CCDC91: variants seen among roughly 807,000 people sequenced by gnomAD.
The protein encoded by CCDC91 is coiled-coil domain-containing protein 91.
In CCDC91, 48 loss-of-function variants were observed where a neutral mutation model predicts 63.2. The ratio of observed to expected loss-of-function variants is 0.76; its 90% CI spans 0.60 to 0.97. The LOEUF is 0.97. CCDC91 is among the 50% of genes least tolerant of loss of function. The pLI is 0.00. For synonymous variants in CCDC91, 167 were observed against 165.8 expected (o/e 1.01, Z -0.06); for missense variants, 500 against 494.6 (o/e 1.01, Z -0.10).
chr12:28,530,527 T>TAAAATA, intron 12 of CCDC91, among the ~76,000 whole-genome samples: 1 of 152,330 alleles, frequency 6.6e-6, no homozygotes, highest in South Asian at 2.1e-4. Context: ...AATTATTTTA[T>TAAAATA]ACCATTGAGT....
intron 1 of CCDC91, among the ~76,000 whole-genome samples, chr12:28,247,043 C>CTG (rs1375851527): frequency 6.6e-6 from 1 of 152,200 alleles, no homozygotes; most frequent in East Asian, 1.9e-4. Context: ...TATGAGGACA[C>CTG]TGTGGCCCAG....
At chr12:28,293,946 AAC>A (rs1450270837) in intron 3 of CCDC91, among the ~76,000 whole-genome samples, 1 of 152,102 alleles carries the variant, frequency 6.6e-6, no homozygotes, top group African/African-American at 2.4e-5. Flanking sequence ...CTGGAAAAAT[AAC>A]ACACACACGC....
At chr12:28,339,185 G>C (rs1942237342) in intron 6 of CCDC91, among the ~76,000 whole-genome samples, 2 of 152,156 alleles carry the variant, frequency 1.3e-5, no homozygotes, top group Non-Finnish European at 1.5e-5. Flanking sequence ...AGGGATTTCT[G>C]TCAGACTAAC....
intron 12 of CCDC91, among the ~76,000 whole-genome samples, chr12:28,532,571 T>C (rs1289456123): frequency 6.6e-6 from 1 of 152,068 alleles, no homozygotes; most frequent in Non-Finnish European, 1.5e-5. Context: ...GAAGGAATGA[T>C]GTAAAATTTT....
intron 8 of CCDC91, among the ~76,000 whole-genome samples, chr12:28,409,278 A>G (rs1026292767): frequency 2.0e-5 from 3 of 152,124 alleles, no homozygotes; most frequent in Non-Finnish European, 4.4e-5. Context: ...TTTTTATTCC[A>G]GGAAAAAATG....
chr12:28,493,216 G>A (rs1378887660), intron 12 of CCDC91, among the ~76,000 whole-genome samples: 2 of 151,640 alleles, frequency 1.3e-5, no homozygotes. Flanking sequence ...CCCAAAATCA[G>A]TACGAGGGTC....
chr12:28,350,283 G>A (rs1943095679), intron 6 of CCDC91, among the ~76,000 whole-genome samples: 1 of 152,100 alleles, frequency 6.6e-6, no homozygotes, highest in Non-Finnish European at 1.5e-5. Flanking sequence ...TGGTATTATT[G>A]CTATTAATTT....
At chr12:28,426,078 T>G (rs1190456143) in intron 8 of CCDC91, among the ~76,000 whole-genome samples, 1 of 152,188 alleles carries the variant, frequency 6.6e-6, no homozygotes, top group Admixed American at 6.6e-5. Flanking sequence ...TATAATGTGG[T>G]ATATCTTAAT....
chr12:28,502,533 A>G (rs1938062697), intron 12 of CCDC91, among the ~76,000 whole-genome samples: 1 of 150,292 alleles, frequency 6.7e-6, no homozygotes, highest in Non-Finnish European at 1.5e-5. Context: ...ATTCAATGCC[A>G]TCCCCATCAA....
intron 12 of CCDC91, among the ~76,000 whole-genome samples, chr12:28,538,420 T>A (rs1942361601): frequency 6.6e-6 from 1 of 152,024 alleles, no homozygotes; most frequent in Non-Finnish European, 1.5e-5. Context: ...TCCATGTCCC[T>A]ACAAAGGACA....
chr12:28,402,878 T>G (rs1394593835), intron 8 of CCDC91, among the ~76,000 whole-genome samples: 1 of 152,174 alleles, frequency 6.6e-6, no homozygotes, highest in East Asian at 1.9e-4. Context: ...TTTTGTAAAG[T>G]GCTTTGACCA....
chr12:28,474,792 G>A (rs940523114), intron 11 of CCDC91, among the ~76,000 whole-genome samples: 5 of 151,750 alleles, frequency 3.3e-5, no homozygotes, highest in African/African-American at 1.2e-4. Context: ...AAGAGCAAAT[G>A]TAAAAGAACA....
At chr12:28,307,253 ACATCAACTTTTCCCTATGGGAAGTTAGG>A (rs2098522040) in intron 5 of CCDC91, among the ~76,000 whole-genome samples, 1 of 151,984 alleles carries the variant, frequency 6.6e-6, no homozygotes, top group African/African-American at 2.4e-5. Flanking sequence ...AAATTTTGCG[ACATCAACTTTTCCCTATGGGAAGTTAGG>A]CATCACAGGA....
At chr12:28,504,755 AT>A (rs1938492639) in intron 12 of CCDC91, among the ~76,000 whole-genome samples, 1 of 151,948 alleles carries the variant, frequency 6.6e-6, no homozygotes, top group African/African-American at 2.4e-5. Context: ...GTCACTTAAA[AT>A]ATTCTTACGC....
chr12:28,537,031 T>G (rs1942229287), intron 12 of CCDC91, among the ~76,000 whole-genome samples: 1 of 152,162 alleles, frequency 6.6e-6, no homozygotes, highest in Admixed American at 6.6e-5. Context: ...ATCCATGATA[T>G]TTATGATTTT....
chr12:28,331,920 T>C (rs1253752570), intron 6 of CCDC91, among the ~76,000 whole-genome samples: 2 of 152,150 alleles, frequency 1.3e-5, no homozygotes, highest in African/African-American at 4.8e-5. Context: ...TGTAAAACAA[T>C]GTGAGATGTG....
Position 28,450,381 on chromosome 12 carries a change from G to A in CCDC91, c.887G>A (p.Arg296Lys), listed in dbSNP as rs1949743324. Residue 296 changes from arginine to lysine, a missense_variant, in exon 10 of 13, where the codon AGG becomes AAG. Physicochemically the swap from Arg to Lys is conservative, Grantham distance 26 (BLOSUM62 2). Coordinates refer to ENST00000536442, the MANE Select transcript of CCDC91 (RefSeq NM_018318.5). The part of the protein sequence containing the change: ...EILEKCLEEE[R>K]QRNKEALVSA... The stretch of plus-strand genomic sequence containing the variant: ...TTGGAAAAGTGTTTGGAGGAAGAAA[G>A]GCAAAGAAATAAAGAGGCATTAGTA... 6.2e-7 allele frequency: 1 copy of A among 1,612,204 alleles called. No individual in the cohort carries two copies. Among genetic ancestry groups the A allele is most frequent in the African/African-American group, 1.3e-5 (1 of 74,974 alleles).
chr12:28,295,571 T>G (rs1949515675), intron 3 of CCDC91, among the ~76,000 whole-genome samples: 1 of 152,050 alleles, frequency 6.6e-6, no homozygotes, highest in Non-Finnish European at 1.5e-5. Flanking sequence ...AATCTCAGGG[T>G]AAAGTTTTCT....
At chr12:28,479,503 TAC>T (rs1951322324) in intron 11 of CCDC91, among the ~76,000 whole-genome samples, 1 of 152,052 alleles carries the variant, frequency 6.6e-6, no homozygotes, top group Non-Finnish European at 1.5e-5. Context: ...TTAGGAGATA[TAC>T]CTAATGTAAA....
Sources: allele counts gnomAD v4.1 joint callset (sites outside exome capture counted in the v4.1 genomes callset), GRCh38; gene constraint gnomAD v4.1.1; transcripts MANE v1.5; gene names NCBI Gene and HGNC (gene_info 2026-07-23, HGNC 2026-07-21).